Variants in MEIS1 observed in about 807,000 individuals in gnomAD.
The protein encoded by MEIS1 is Meis homeobox 1.
Under a neutral mutation model 50.8 loss-of-function variants are expected in MEIS1, and 5 were observed. The observed-to-expected ratio is 0.10, with a 90% CI of 0.05 to 0.21. The LOEUF (loss-of-function observed/expected upper bound fraction) is 0.21. MEIS1 is among the 10% of genes least tolerant of loss of function. MEIS1 has a pLI of 1.00. For synonymous variants in MEIS1, 176 were observed against 179.3 expected (o/e 0.98, Z 0.15); for missense variants, 318 against 517.3 (o/e 0.61, Z 3.74).
Position 66,435,562 on chromosome 2 carries a change from T to C in MEIS1, c.-295T>C, listed in dbSNP as rs533311320. The C allele has an allele frequency of 8.5e-5, 34 of 398,550 alleles. No homozygotes were observed. The highest frequency in any genetic ancestry group is 6.4e-4 in the South Asian group (5 of 7,804). 24.7% of individuals were successfully genotyped at this position (398,550 alleles called of 1,614,324 possible). On this transcript the variant is annotated 5_prime_UTR_variant, in exon 1 of 13. Transcript: ENST00000272369. The stretch of plus-strand genomic sequence containing the variant: ...TTTCCTTTTCTTTCTTTCTTTCTTT[T>C]TTTTTTTTTAAACTGATTTTTGGGG...
At position 66,538,788 on chromosome 2, in the gene MEIS1, C is replaced by T. The variant is rs906924818; in HGVS notation, c.889-9155C>T. ...ACACACACCCCAATTTGTTTCAAAT[C>T]CCAATTTGTTTCAAAGCTGACAATT... On this transcript the variant is annotated intron_variant, in intron 8 of 12. Coordinates refer to ENST00000272369, the MANE Select transcript of MEIS1 (RefSeq NM_002398.3). Among the ~76,000 whole-genome samples, 3 of 152,248 alleles carry T rather than the reference C, an allele frequency of 2.0e-5. No individual in the cohort carries two copies. The East Asian group carries it at 5.8e-4, about 29-fold the overall frequency.
chr2:66,516,102 A>G (rs1188514831), intron 8 of MEIS1, among the ~76,000 whole-genome samples: 1 of 152,238 alleles, frequency 6.6e-6, no homozygotes, highest in Non-Finnish European at 1.5e-5. Flanking sequence ...AATGCATGCC[A>G]CGTTTAAGGT....
At chr2:66,531,550 A>G (rs1327892647) in intron 8 of MEIS1, among the ~76,000 whole-genome samples, 1 of 151,938 alleles carries the variant, frequency 6.6e-6, no homozygotes, top group Non-Finnish European at 1.5e-5. Flanking sequence ...TGGAAAACCA[A>G]CTCCCTGGTA....
chr2:66,520,932 G>A (rs945245580), intron 8 of MEIS1, among the ~76,000 whole-genome samples: 6 of 152,188 alleles, frequency 3.9e-5, no homozygotes, highest in Non-Finnish European at 5.9e-5. Flanking sequence ...ATCAAATCGC[G>A]TTGTGGGAGT....
chr2:66,435,828 T>C lies in MEIS1; in HGVS notation c.-29T>C, dbSNP rs943829350. On this transcript the variant is annotated 5_prime_UTR_variant, in exon 1 of 13. Coordinates refer to ENST00000272369, the MANE Select transcript of MEIS1 (RefSeq NM_002398.3). ...GGCCTTAAAGAGGATATATTAGAAG[T>C]TGAAGTAGGAAGGGAGCCAGAGAGG... The C allele has an allele frequency of 1.9e-6, 3 of 1,560,524 alleles. No individual in the cohort carries two copies. Among genetic ancestry groups the C allele is most frequent in the Non-Finnish European group, 1.7e-6 (2 of 1,156,498 alleles).
chr2:66,562,582 T>C (rs1176245975), intron 9 of MEIS1, among the ~76,000 whole-genome samples: 1 of 152,140 alleles, frequency 6.6e-6, no homozygotes, highest in Non-Finnish European at 1.5e-5. Flanking sequence ...TTTGGAGATT[T>C]TGCTCCCCTG....
intron 7 of MEIS1, among the ~76,000 whole-genome samples, chr2:66,497,908 AT>A (rs1673448090): frequency 6.6e-6 from 1 of 152,170 alleles, no homozygotes; most frequent in African/African-American, 2.4e-5. Flanking sequence ...TGATGGGACT[AT>A]TTAGGCAGCA....
At chr2:66,502,214 G>A (rs1673574617) in intron 7 of MEIS1, among the ~76,000 whole-genome samples, 4 of 152,066 alleles carry the variant, frequency 2.6e-5, no homozygotes, top group African/African-American at 4.8e-5. Flanking sequence ...AAAACTTGAC[G>A]TGTTCAGAAA....
chr2:66,501,775 T>C (rs1185005131), intron 7 of MEIS1, among the ~76,000 whole-genome samples: 2 of 152,190 alleles, frequency 1.3e-5, no homozygotes, highest in Non-Finnish European at 2.9e-5. Flanking sequence ...ATCTGAACAC[T>C]GACAAACTCC....
chr2:66,440,880 C>A (rs1357738627), intron 4 of MEIS1: 2 of 511,834 alleles, frequency 3.9e-6, no homozygotes, highest in Non-Finnish European at 6.8e-6. Flanking sequence ...CTCTAATCAG[C>A]GCGGGGATTT....
chr2:66,489,141 C>A (rs1449442167), intron 7 of MEIS1, among the ~76,000 whole-genome samples: 1 of 152,198 alleles, frequency 6.6e-6, no homozygotes, highest in Non-Finnish European at 1.5e-5. Flanking sequence ...AAAGAGTAAG[C>A]TCTTTCCATT....
chr2:66,469,898 A>G (rs1384755460), intron 7 of MEIS1, among the ~76,000 whole-genome samples: 2 of 152,042 alleles, frequency 1.3e-5, no homozygotes, highest in East Asian at 3.9e-4. Context: ...CTGAAAACAC[A>G]AAGTTAATAC....
intron 7 of MEIS1, among the ~76,000 whole-genome samples, chr2:66,487,194 A>G (rs1413511919): frequency 3.9e-5 from 6 of 152,180 alleles, no homozygotes; most frequent in African/African-American, 1.2e-4. Flanking sequence ...GAAGCATTGC[A>G]TTGACATTCT....
intron 7 of MEIS1, among the ~76,000 whole-genome samples, chr2:66,502,288 A>G (rs12713567): frequency 0.59 from 89,580 of 151,984 alleles, 26,659 homozygotes; most frequent in East Asian, 0.67. Context: ...AGAGGGGAAT[A>G]GAGGGGAGGC....
rs1673849073 is a variant in MEIS1 at position 66,512,279 on chromosome 2, G to A, written c.873G>A (p.Leu291=). 3 of 1,611,106 alleles carry A rather than the reference G, an allele frequency of 1.9e-6. No individual in the cohort carries two copies. Among genetic ancestry groups the A allele is most frequent in the Non-Finnish European group, 2.5e-6 (3 of 1,179,048 alleles). The change falls in exon 8 of 13, where the codon CTG becomes CTA. Residue 291 remains leucine (L), a synonymous_variant. Coordinates refer to ENST00000272369, the MANE Select transcript of MEIS1 (RefSeq NM_002398.3). The part of the protein sequence containing the change: ...KVATNIMRAW[L]FQHLTHPYPS... Reference sequence around the variant, plus strand: ...CCACAAATATCATGAGGGCGTGGCTGTTCCAGCATCTAACAGTAAGTGGAT... The same window carrying A: ...CCACAAATATCATGAGGGCGTGGCTATTCCAGCATCTAACAGTAAGTGGAT...
At chr2:66,488,996 C>G (rs2103802266) in intron 7 of MEIS1, among the ~76,000 whole-genome samples, 1 of 152,258 alleles carries the variant, frequency 6.6e-6, no homozygotes, top group African/African-American at 2.4e-5. Context: ...TTGTTTTTAA[C>G]TATTTGATGA....
chr2:66,475,268 AAT>A lies in MEIS1; in HGVS notation c.742+11053_742+11054del, dbSNP rs1218209761. On this transcript the variant is annotated intron_variant, in intron 7 of 12. Transcript: ENST00000272369. ...TATGTTATTTATAAAATAAATATAT[AAT>A]ATATTATATATAAAAATATAAAATA... Among the ~76,000 whole-genome samples the A allele has an allele frequency of 4.3e-5, 6 of 140,616 alleles. No individual in the cohort carries two copies. In the East Asian group the frequency reaches 1.2e-3, roughly 28 times the overall value. The allele number at this position is 140,616 out of a possible 152,430, so 92.2% of individuals were successfully genotyped here.
chr2:66,511,221 G>C (rs1278198228), intron 7 of MEIS1, among the ~76,000 whole-genome samples: 1 of 152,152 alleles, frequency 6.6e-6, no homozygotes, highest in Admixed American at 6.5e-5. Context: ...ATTTTGAACA[G>C]TTATATGGGT....
chr2:66,503,127 C>T (rs1673597002), intron 7 of MEIS1, among the ~76,000 whole-genome samples: 1 of 152,130 alleles, frequency 6.6e-6, no homozygotes, highest in South Asian at 2.1e-4. Context: ...TTAGGTTGAA[C>T]TAGAAAGAGA....
Sources: allele counts gnomAD v4.1 joint callset (sites outside exome capture counted in the v4.1 genomes callset), GRCh38; gene constraint gnomAD v4.1.1; transcripts MANE v1.5; gene names NCBI Gene and HGNC (gene_info 2026-07-23, HGNC 2026-07-21).